Variants in RPTOR observed in about 807,000 individuals in gnomAD.
RPTOR encodes regulatory associated protein of MTOR complex 1.
Under a neutral mutation model 169.9 loss-of-function variants are expected in RPTOR, and 21 were observed. The observed-to-expected ratio is 0.12, with a 90% CI of 0.09 to 0.18. RPTOR has a LOEUF of 0.18. Ranked by LOEUF, RPTOR falls within the 10% of genes least tolerant of loss-of-function variation. The probability of loss-of-function intolerance (pLI) is 1.00; values close to 1 mark genes in which losing one functional copy is unlikely to be tolerated. For missense variants in RPTOR, 1,133 were observed against 1,855.9 expected (o/e 0.61, Z 7.16); for synonymous variants, 732 against 753.2 (o/e 0.97, Z 0.46).
intron 19 of RPTOR, among the ~76,000 whole-genome samples, chr17:80,893,415 A>T (rs1203793983): frequency 2.8e-5 from 3 of 108,022 alleles, no homozygotes; most frequent in Non-Finnish European, 5.4e-5. Flanking sequence ...TGTGTGTACA[A>T]GGGTGTGTGT....
At chr17:80,850,465 G>T (rs2067781636) in intron 11 of RPTOR, among the ~76,000 whole-genome samples, 1 of 152,162 alleles carries the variant, frequency 6.6e-6, no homozygotes, top group African/African-American at 2.4e-5. Flanking sequence ...TCTGTTGAGG[G>T]GTGATCTCGG....
intron 5 of RPTOR, among the ~76,000 whole-genome samples, chr17:80,751,328 C>T (rs1040053927): frequency 2.0e-5 from 3 of 152,120 alleles, no homozygotes; most frequent in Non-Finnish European, 4.4e-5. Context: ...GGGCAGTGCC[C>T]GGCACTCTGG....
chr17:80,925,017 C>T (rs566877013), intron 23 of RPTOR, among the ~76,000 whole-genome samples: 1 of 152,368 alleles, frequency 6.6e-6, no homozygotes, highest in South Asian at 2.1e-4. Flanking sequence ...GTCCTGGAAC[C>T]AAGCGGCAGA....
At chr17:80,915,963 C>T (rs994530866) in intron 21 of RPTOR, among the ~76,000 whole-genome samples, 1 of 152,128 alleles carries the variant, frequency 6.6e-6, no homozygotes, top group Non-Finnish European at 1.5e-5. Context: ...AGTCTGCCTC[C>T]GGAGAGGAGC....
intron 24 of RPTOR, among the ~76,000 whole-genome samples, chr17:80,928,639 T>A (rs1247680930): frequency 6.6e-6 from 1 of 152,238 alleles, no homozygotes; most frequent in Non-Finnish European, 1.5e-5. Flanking sequence ...AGAGCCGTGT[T>A]CTGTCTGCGG....
intron 31 of RPTOR, 59 bp downstream of exon 31, chr17:80,961,539 T>C: frequency 6.7e-7 from 1 of 1,498,944 alleles, no homozygotes; most frequent in Non-Finnish European, 9.0e-7. Flanking sequence ...TTCCCCTCCA[T>C]TTAAAATACG....
intron 3 of RPTOR, among the ~76,000 whole-genome samples, chr17:80,687,101 A>C (rs1483618019): frequency 6.6e-6 from 1 of 152,208 alleles, no homozygotes; most frequent in Non-Finnish European, 1.5e-5. Context: ...TTTGCAGGGC[A>C]GGCCCCTTTT....
At chr17:80,758,734 A>G (rs954724904) in intron 6 of RPTOR, among the ~76,000 whole-genome samples, 2 of 151,996 alleles carry the variant, frequency 1.3e-5, no homozygotes, top group African/African-American at 4.8e-5. Context: ...CCCTGACTCC[A>G]GAATCAACAC....
At chr17:80,732,903 T>C (rs888178859) in intron 5 of RPTOR, among the ~76,000 whole-genome samples, 1 of 152,262 alleles carries the variant, frequency 6.6e-6, no homozygotes, top group Non-Finnish European at 1.5e-5. Flanking sequence ...GTTTTAATAC[T>C]TTTTATTGTA....
At chr17:80,961,053 C>A in intron 30 of RPTOR, 1 of 348,132 alleles carries the variant, frequency 2.9e-6, no homozygotes, top group Non-Finnish European at 5.3e-6. Context: ...TTGAGGGAAG[C>A]AAAGCAAAGG....
intron 2 of RPTOR, among the ~76,000 whole-genome samples, chr17:80,628,242 A>G (rs975356894): frequency 2.6e-5 from 4 of 152,176 alleles, no homozygotes; most frequent in Non-Finnish European, 5.9e-5. Context: ...TATTGTTTTG[A>G]GGACCATTCA....
chr17:80,761,576 A>C (rs984586086), intron 6 of RPTOR, among the ~76,000 whole-genome samples: 2 of 152,112 alleles, frequency 1.3e-5, no homozygotes, highest in African/African-American at 4.8e-5. Flanking sequence ...CTCATTTCAG[A>C]CATTTGCTGT....
chr17:80,809,197 T>A (rs1316454044), intron 7 of RPTOR, among the ~76,000 whole-genome samples: 3 of 152,208 alleles, frequency 2.0e-5, no homozygotes, highest in East Asian at 1.9e-4. Flanking sequence ...GGGTTTTTTT[T>A]ATTTTATTTT....
chr17:80,551,731 C>G (rs1239054318), intron 1 of RPTOR, among the ~76,000 whole-genome samples: 1 of 152,120 alleles, frequency 6.6e-6, no homozygotes, highest in Non-Finnish European at 1.5e-5. Flanking sequence ...TCCTCTTCTA[C>G]TAATCCTCCT....
rs565810178 is a variant in RPTOR at position 80,845,933 on chromosome 17, T to G, written c.1213-540T>G. Among the ~76,000 whole-genome samples the G allele has an allele frequency of 2.0e-5, 3 of 152,274 alleles. No homozygotes were observed. In the East Asian group the frequency reaches 5.8e-4, roughly 29 times the overall value. On this transcript the variant is annotated intron_variant, in intron 10 of 33. Coordinates refer to ENST00000306801, the MANE Select transcript of RPTOR (RefSeq NM_020761.3). This position sits in a 1 kb window ranked among gnomAD's most constrained non-coding sequence, Gnocchi z 5.4. Reference sequence around the variant, plus strand: ...GGCGTCCAGACCTTTGAGCTCTGCTTTCCCTCCACTGCCGGGCCCTCACCG... The same window carrying G: ...GGCGTCCAGACCTTTGAGCTCTGCTGTCCCTCCACTGCCGGGCCCTCACCG...
chr17:80,962,983 A>G lies in RPTOR; in HGVS notation c.3865A>G (p.Asn1289Asp), dbSNP rs1312314695. 7 of 1,613,390 alleles carry G rather than the reference A, an allele frequency of 4.3e-6. No homozygotes were observed. ...CAACAGCAGCGGAGAGCTCATCAAC[A>G]ACATCAAGTACTACGACGGCTTCAT... ...IYNSSGELIN[N>D]IKYYDGFMGQ... Residue 1289 changes from asparagine (N) to aspartate (D), a missense_variant, in exon 33 of 34, where the codon AAC becomes GAC. Asn to Asp is a conservative substitution (Grantham distance 23, BLOSUM62 1). This residue lies in a region of RPTOR where 410 missense variants were observed against 623.7 expected (regional missense o/e 0.66). Transcript: ENST00000306801.
intron 21 of RPTOR, among the ~76,000 whole-genome samples, chr17:80,919,224 G>T (rs1306414253): frequency 6.6e-6 from 1 of 152,136 alleles, no homozygotes; most frequent in Non-Finnish European, 1.5e-5. Flanking sequence ...TCTAGGAAAC[G>T]CAGTTTGCAG....
In RPTOR at chr17:80,957,540, C is replaced by T; in HGVS notation, c.3371-84C>T. ...GCAGGGGTACCTTGTAGCTGCTGGC[C>T]AAATTGCTGCCCAGAGCAGGCCCCA... On this transcript the variant is annotated intron_variant, in intron 28 of 33. Coordinates refer to ENST00000306801, the MANE Select transcript of RPTOR (RefSeq NM_020761.3). This position sits in a 1 kb window ranked among gnomAD's most constrained non-coding sequence, Gnocchi z 4.6. 7.6e-7 allele frequency: 1 copy of T among 1,321,364 alleles called. No individual in the cohort carries two copies. The highest frequency in any genetic ancestry group is 1.1e-6 in the Non-Finnish European group (1 of 916,888). 81.9% of individuals were successfully genotyped at this position (1,321,364 alleles called of 1,614,324 possible). A position where few individuals can be genotyped will look rare whatever the true frequency, so the allele number is the denominator to read the frequency against.
intron 3 of RPTOR, among the ~76,000 whole-genome samples, chr17:80,677,463 G>T (rs542856558): frequency 6.6e-6 from 1 of 152,234 alleles, no homozygotes; most frequent in East Asian, 1.9e-4. Context: ...CTTTACCTGG[G>T]AGGAAAAATT....
Sources: allele counts gnomAD v4.1 joint callset (sites outside exome capture counted in the v4.1 genomes callset), GRCh38; gene constraint gnomAD v4.1.1; regional missense constraint gnomAD v4.1.1; non-coding constraint Gnocchi (gnomAD v3.1); transcripts MANE v1.5; gene names NCBI Gene and HGNC (gene_info 2026-07-23, HGNC 2026-07-21).